Variants in ADK observed in about 807,000 individuals in gnomAD.
The protein encoded by ADK is N6,N6-dimethyladenosine kinase.
In ADK, 24 loss-of-function variants were observed where a neutral mutation model predicts 44.7. The observed-to-expected ratio is 0.54, with a 90% CI of 0.39 to 0.76. The LOEUF (loss-of-function observed/expected upper bound fraction) is 0.76. ADK is among the 30% of genes least tolerant of loss of function. The probability of loss-of-function intolerance (pLI) is 0.00; values close to 1 mark genes in which losing one functional copy is unlikely to be tolerated. For missense variants in ADK, 321 were observed against 425.1 expected (o/e 0.76, Z 2.15); for synonymous variants, 128 against 142.6 (o/e 0.90, Z 0.73).
At chr10:74,573,991 C>A (rs1277879833) in intron 7 of ADK, among the ~76,000 whole-genome samples, 2 of 152,178 alleles carry the variant, frequency 1.3e-5, no homozygotes, top group Non-Finnish European at 2.9e-5. Flanking sequence ...TGCTTTGGCT[C>A]ACGCACAGTG....
intron 4 of ADK, chr10:74,372,114 C>T (rs1842680014): frequency 1.3e-6 from 1 of 749,868 alleles, no homozygotes; most frequent in African/African-American, 1.7e-5. Context: ...CCATGAACAC[C>T]CATGGGAATT....
intron 6 of ADK, among the ~76,000 whole-genome samples, chr10:74,470,962 T>C (rs904597207): frequency 1.3e-5 from 2 of 152,168 alleles, no homozygotes; most frequent in East Asian, 3.8e-4. Context: ...TATTTTTATA[T>C]ACACAATAAG....
chr10:74,509,186 A>C (rs1288362717), intron 6 of ADK, among the ~76,000 whole-genome samples: 1 of 151,612 alleles, frequency 6.6e-6, no homozygotes, highest in African/African-American at 2.4e-5. Flanking sequence ...TATTCATGGA[A>C]TACATTATGA....
At chr10:74,595,623 G>A (rs953297371) in intron 8 of ADK, among the ~76,000 whole-genome samples, 19 of 151,142 alleles carry the variant, frequency 1.3e-4, no homozygotes, top group Admixed American at 3.3e-4. Flanking sequence ...TGATCCGCCC[G>A]CCTCCGTCTC....
intron 10 of ADK, among the ~76,000 whole-genome samples, chr10:74,702,524 T>TTTCCTTCCTTCC (rs59918097): frequency 0.14 from 17,078 of 120,700 alleles, 1,784 homozygotes; most frequent in Middle Eastern, 0.25. Context: ...TCCTTCCTTC[T>TTTCCTTCCTTCC]TTCCTTCCTT....
intron 7 of ADK, among the ~76,000 whole-genome samples, chr10:74,573,300 G>A (rs991427257): frequency 8.5e-5 from 13 of 152,190 alleles, no homozygotes; most frequent in African/African-American, 2.9e-4. Context: ...TATCAGCAGC[G>A]GTGGCTGCAG....
intron 2 of ADK, among the ~76,000 whole-genome samples, chr10:74,204,831 G>A (rs1166638920): frequency 1.3e-5 from 2 of 151,890 alleles, no homozygotes; most frequent in Non-Finnish European, 2.9e-5. Flanking sequence ...ATCACTTGAG[G>A]TCAGGAGTTC....
chr10:74,423,788 G>C (rs1232567642), intron 6 of ADK: 7 of 348,766 alleles, frequency 2.0e-5, no homozygotes, highest in Non-Finnish European at 4.0e-5. Flanking sequence ...ATGGGGGCTG[G>C]GCTATGATAC....
At chr10:74,660,243 C>T (rs546044451) in intron 9 of ADK, among the ~76,000 whole-genome samples, 45 of 152,182 alleles carry the variant, frequency 3.0e-4, no homozygotes, top group Non-Finnish European at 6.0e-4. Context: ...ATCCTCCCAC[C>T]TCAGCCTCCC....
intron 4 of ADK, among the ~76,000 whole-genome samples, chr10:74,357,535 A>G (rs1218115834): frequency 6.6e-6 from 1 of 151,070 alleles, no homozygotes; most frequent in African/African-American, 2.4e-5. Context: ...TCTTGGGCTC[A>G]AGCAATCCAC....
intron 6 of ADK, among the ~76,000 whole-genome samples, chr10:74,516,349 G>T (rs1391945956): frequency 6.6e-6 from 1 of 151,974 alleles, no homozygotes; most frequent in Admixed American, 6.5e-5. Context: ...AATCACCACA[G>T]GTGCATCTTC....
rs142274121 is a variant in ADK at position 74,247,224 on chromosome 10, GTTTTTTTTTT to G, written c.194+22648_194+22657del. 1.1e-4 allele frequency among the ~76,000 whole-genome samples: 8 copies of G among 72,010 alleles called. No individual in the cohort carries two copies. The East Asian group carries it at 1.4e-3, about 12-fold the overall frequency. The allele number at this position is 72,010 out of a possible 152,430, so 47.2% of individuals were successfully genotyped here. A position where few individuals can be genotyped will look rare whatever the true frequency, so the allele number is the denominator to read the frequency against. ...CTTTTTTTGATTTTTTTTTTTTTAA[GTTTTTTTTTT>G]TTTTTTTTTTTTTTGAGACAGAGTC... On this transcript the variant is annotated intron_variant, in intron 3 of 10. Transcript: ENST00000539909.
chr10:74,196,546 A>G (rs998724413), intron 1 of ADK, among the ~76,000 whole-genome samples: 1 of 152,204 alleles, frequency 6.6e-6, no homozygotes, highest in African/African-American at 2.4e-5. Flanking sequence ...CTCAAAAAAA[A>G]GAAAATGAGC....
intron 3 of ADK, 54 bp downstream of exon 3, chr10:74,224,645 T>TATATGTATATGTAAATTATC (rs1274796012): frequency 1.5e-5 from 20 of 1,355,724 alleles, no homozygotes; most frequent in Non-Finnish European, 2.0e-5. Context: ...ATGAACTTGA[T>TATATGTATATGTAAATTATC]ATATGTATAT....
chr10:74,405,366 C>CT lies in ADK; in HGVS notation c.555+6802dup, dbSNP rs752124653. 8.1e-3 allele frequency among the ~76,000 whole-genome samples: 1,020 copies of CT among 126,162 alleles called. 8 individuals are homozygous for CT. The highest frequency in any genetic ancestry group is 0.021 in the African/African-American group (719 of 34,808). The allele number at this position is 126,162 out of a possible 152,430, so 82.8% of individuals were successfully genotyped here. A position where few individuals can be genotyped will look rare whatever the true frequency, so the allele number is the denominator to read the frequency against. On this transcript the variant is annotated intron_variant, in intron 6 of 10. Transcript: ENST00000539909. ...CCTCCTGTCACATCAGCGGAGGATT[C>CT]TTTTTTTTTTTTTTTCAAATGTGAA... is the stretch of plus-strand genomic sequence containing the variant.
intron 7 of ADK, chr10:74,530,385 G>A (rs929123629): frequency 1.3e-5 from 2 of 151,990 alleles, no homozygotes; most frequent in Non-Finnish European, 2.9e-5. Context: ...TCAAAACTCA[G>A]CTAAAATCAA....
At chr10:74,218,489 C>G (rs181650409) in intron 2 of ADK, among the ~76,000 whole-genome samples, 1 of 152,196 alleles carries the variant, frequency 6.6e-6, no homozygotes, top group East Asian at 1.9e-4. Flanking sequence ...GCAAGGCAGC[C>G]AACATTCAGA....
chr10:74,338,606 C>G (rs776737898), intron 4 of ADK, among the ~76,000 whole-genome samples: 3 of 151,982 alleles, frequency 2.0e-5, no homozygotes, highest in African/African-American at 7.3e-5. Context: ...ATTACTGGTA[C>G]AGTCAACAGT....
At chr10:74,220,699 G>A (rs982762383) in intron 2 of ADK, among the ~76,000 whole-genome samples, 5 of 152,210 alleles carry the variant, frequency 3.3e-5, no homozygotes, top group Admixed American at 6.5e-5. Flanking sequence ...ATCCCTGGAT[G>A]CAAGGCTGGT....
Sources: gnomAD v4.1 joint callset for allele counts (sites outside exome capture counted in the v4.1 genomes callset) on GRCh38, gnomAD v4.1.1 for gene constraint, MANE v1.5 for transcripts, NCBI Gene and HGNC (gene_info 2026-07-23, HGNC 2026-07-21) for gene names.